The following KCNIP4 variants were observed in gnomAD, a reference collection of about 807,000 sequenced individuals.
KCNIP4 encodes Kv channel-interacting protein 4.
In KCNIP4, 12 loss-of-function variants were observed where a neutral mutation model predicts 34.0. The observed-to-expected ratio is 0.35, with a 90% CI of 0.23 to 0.57. The LOEUF (loss-of-function observed/expected upper bound fraction) is 0.57. Among genes scored for constraint, KCNIP4 ranks in the 20% least tolerant of loss-of-function variants. The pLI, the probability that KCNIP4 is intolerant of heterozygous loss-of-function variation, is 0.83. For missense variants in KCNIP4, 238 were observed against 311.7 expected, an observed-to-expected ratio of 0.76 and a Z score of 1.78; for synonymous variants, 124 against 102.2, an observed-to-expected ratio of 1.21 and a Z score of -1.29.
chr4:20,981,227 C>A (rs540382317), intron 1 of KCNIP4, among the ~76,000 whole-genome samples: 2 of 152,270 alleles, frequency 1.3e-5, no homozygotes, highest in East Asian at 1.9e-4. Flanking sequence ...GCTGAGGAGA[C>A]CACTTGGCTT....
intron 1 of KCNIP4, among the ~76,000 whole-genome samples, chr4:21,461,062 C>T (rs1188634913): frequency 6.6e-6 from 1 of 152,058 alleles, no homozygotes; most frequent in African/African-American, 2.4e-5. Flanking sequence ...AATCTCACCT[C>T]AAATTGTAAT....
chr4:21,539,523 T>C (rs1737494886), intron 1 of KCNIP4, among the ~76,000 whole-genome samples: 1 of 152,144 alleles, frequency 6.6e-6, no homozygotes, highest in African/African-American at 2.4e-5. Flanking sequence ...TTAAGAAAAT[T>C]TAAAAATTAT....
At chr4:21,326,268 G>A (rs1366477644) in intron 1 of KCNIP4, among the ~76,000 whole-genome samples, 1 of 148,254 alleles carries the variant, frequency 6.7e-6, no homozygotes, top group African/African-American at 2.5e-5. Flanking sequence ...TATACATCTG[G>A]GTGCTCTAGA....
intron 3 of KCNIP4, among the ~76,000 whole-genome samples, chr4:20,799,010 T>A (rs1420841924): frequency 1.3e-5 from 2 of 152,216 alleles, no homozygotes; most frequent in Non-Finnish European, 2.9e-5. Context: ...CTAGAGTGCA[T>A]CCTGCTCTGG....
intron 1 of KCNIP4, among the ~76,000 whole-genome samples, chr4:21,073,782 A>G (rs542130907): frequency 1.3e-5 from 2 of 152,288 alleles, no homozygotes; most frequent in African/African-American, 4.8e-5. Flanking sequence ...GTTATCATAA[A>G]GAGTGCTTAT....
chr4:21,212,698 C>T (rs1170578985), intron 1 of KCNIP4, among the ~76,000 whole-genome samples: 1 of 152,094 alleles, frequency 6.6e-6, no homozygotes, highest in Non-Finnish European at 1.5e-5. Context: ...CTCACCTAGT[C>T]GAAGGGCTGA....
intron 1 of KCNIP4, among the ~76,000 whole-genome samples, chr4:21,030,833 T>C (rs1342951260): frequency 6.6e-6 from 1 of 152,142 alleles, no homozygotes; most frequent in Non-Finnish European, 1.5e-5. Context: ...CGAGGATAAA[T>C]CAGACTTCAG....
intron 1 of KCNIP4, among the ~76,000 whole-genome samples, chr4:21,939,734 G>A (rs1201414506): frequency 6.6e-6 from 1 of 152,088 alleles, no homozygotes; most frequent in African/African-American, 2.4e-5. Flanking sequence ...AAGTAGAAAA[G>A]ACTCATCTTC....
intron 1 of KCNIP4, among the ~76,000 whole-genome samples, chr4:21,652,226 T>C (rs1346579868): frequency 6.6e-6 from 1 of 152,222 alleles, no homozygotes; most frequent in African/African-American, 2.4e-5. Context: ...ATCATCCTTG[T>C]AGTATAAGTT....
intron 1 of KCNIP4, among the ~76,000 whole-genome samples, chr4:21,752,290 G>T (rs1202439424): frequency 1.3e-5 from 2 of 152,086 alleles, no homozygotes; most frequent in East Asian, 3.9e-4. Context: ...CATGGCTGAG[G>T]GGGGCGCCTC....
chr4:21,355,896 A>T (rs910280660), intron 1 of KCNIP4, among the ~76,000 whole-genome samples: 11 of 152,176 alleles, frequency 7.2e-5, no homozygotes, highest in African/African-American at 2.7e-4. Flanking sequence ...CGATGCAAAA[A>T]TCCTCAATAA....
At chr4:21,750,642 T>TTA (rs1168017812) in intron 1 of KCNIP4, among the ~76,000 whole-genome samples, 1 of 152,162 alleles carries the variant, frequency 6.6e-6, no homozygotes, top group Non-Finnish European at 1.5e-5. Context: ...TAAGTAGTTT[T>TTA]TATATATATC....
intron 1 of KCNIP4, among the ~76,000 whole-genome samples, chr4:21,589,791 G>GT (rs1168082584): frequency 6.6e-6 from 1 of 151,866 alleles, no homozygotes. Flanking sequence ...GACCAAGTAT[G>GT]TTTTTTTCTC....
At chr4:21,482,455 G>C (rs1343556191) in intron 1 of KCNIP4, among the ~76,000 whole-genome samples, 1 of 152,160 alleles carries the variant, frequency 6.6e-6, no homozygotes, top group Non-Finnish European at 1.5e-5. Flanking sequence ...GGTACCGGTT[G>C]TTCCTTTCCA....
At chr4:21,313,747 T>C (rs1047222061) in intron 1 of KCNIP4, among the ~76,000 whole-genome samples, 5 of 152,190 alleles carry the variant, frequency 3.3e-5, no homozygotes, top group African/African-American at 1.2e-4. Flanking sequence ...AAGTTTATTA[T>C]GAGCAGACTA....
At chr4:20,794,763 T>G (rs917654093) in intron 3 of KCNIP4, among the ~76,000 whole-genome samples, 1 of 152,222 alleles carries the variant, frequency 6.6e-6, no homozygotes, top group African/African-American at 2.4e-5. Context: ...GTATTCATGT[T>G]GCATAGGCAT....
intron 1 of KCNIP4, among the ~76,000 whole-genome samples, chr4:21,797,754 A>G (rs1720716634): frequency 1.3e-5 from 2 of 152,196 alleles, no homozygotes; most frequent in Non-Finnish European, 2.9e-5. Context: ...TTAATAAGAT[A>G]AGTTATGTAT....
chr4:21,094,822 T>C (rs1747324192), intron 1 of KCNIP4, among the ~76,000 whole-genome samples: 1 of 152,118 alleles, frequency 6.6e-6, no homozygotes, highest in African/African-American at 2.4e-5. Flanking sequence ...AACTGAAGCC[T>C]ACATCTACTT....
chr4:21,804,472 C>A (rs1187185108), intron 1 of KCNIP4, among the ~76,000 whole-genome samples: 1 of 152,128 alleles, frequency 6.6e-6, no homozygotes, highest in African/African-American at 2.4e-5. Context: ...TTCACTTTTT[C>A]TTTTTCCTCA....
Sources: allele counts gnomAD v4.1 joint callset (sites outside exome capture counted in the v4.1 genomes callset), GRCh38; gene constraint gnomAD v4.1.1; transcripts MANE v1.5; gene names NCBI Gene and HGNC (gene_info 2026-07-23, HGNC 2026-07-21).